PPP1R42: variants seen among roughly 807,000 people sequenced by gnomAD.
PPP1R42 encodes leucine rich repeat containing 67.
In PPP1R42, 34 loss-of-function variants were observed where a neutral mutation model predicts 31.0. The observed-to-expected ratio is 1.10, with a 90% CI of 0.83 to 1.46. PPP1R42 has a LOEUF of 1.46. PPP1R42 is among the 40% of genes most tolerant of loss of function. PPP1R42 has a pLI of 0.00. For synonymous variants in PPP1R42, 103 were observed against 109.8 expected (o/e 0.94, Z 0.39); for missense variants, 268 against 303.0 (o/e 0.88, Z 0.86).
At chr8:67,012,637 T>C (rs1815877524) in intron 4 of PPP1R42, among the ~76,000 whole-genome samples, 1 of 152,236 alleles carries the variant, frequency 6.6e-6, no homozygotes, top group African/African-American at 2.4e-5. Flanking sequence ...ATTTAAAATG[T>C]TGAGCCATGA....
intron 7 of PPP1R42, among the ~76,000 whole-genome samples, chr8:66,973,273 C>T (rs1238164093): frequency 6.6e-6 from 1 of 151,666 alleles, no homozygotes; most frequent in East Asian, 1.9e-4. Flanking sequence ...ATGAGATCTA[C>T]CCTCCTTTTT....
chr8:67,012,799 A>G (rs1425316922), intron 4 of PPP1R42, 159 bp downstream of exon 4: 1 of 535,476 alleles, frequency 1.9e-6, no homozygotes, highest in African/African-American at 2.0e-5. Flanking sequence ...CTGAGATTGT[A>G]CATGAGAAAA....
At position 66,968,477 on chromosome 8, in the gene PPP1R42, A is replaced by G. The variant is rs918907983; in HGVS notation, c.803-4143T>C. ...AGGCTCCCCACCTTGAATATTAAAT[A>G]TAGAGTGTAGGGACACGTCTGCTGA... On this transcript the variant is annotated intron_variant, in intron 7 of 7. Transcript: ENST00000685739. 1.3e-5 allele frequency: 13 copies of G among 985,132 alleles called. No individual in the cohort carries two copies. The African/African-American group carries it at 2.3e-4, about 17-fold the overall frequency. The allele number at this position is 985,132 out of a possible 1,614,324, so 61.0% of individuals were successfully genotyped here. A position where few individuals can be genotyped will look rare whatever the true frequency, so the allele number is the denominator to read the frequency against.
chr8:67,016,346 C>T (rs996741739), intron 2 of PPP1R42, among the ~76,000 whole-genome samples: 1 of 152,108 alleles, frequency 6.6e-6, no homozygotes, highest in Non-Finnish European at 1.5e-5. Context: ...TCAGGTAGTT[C>T]CTGTGTTTCC....
At chr8:67,008,102 C>T in intron 5 of PPP1R42, among the ~76,000 whole-genome samples, 1 of 151,660 alleles carries the variant, frequency 6.6e-6, no homozygotes, top group East Asian at 1.9e-4. Context: ...TAGCCAGGTT[C>T]GTCTCGATCT....
At chr8:67,015,148 A>G (rs1160626566) in intron 2 of PPP1R42, among the ~76,000 whole-genome samples, 1 of 152,052 alleles carries the variant, frequency 6.6e-6, no homozygotes, top group Non-Finnish European at 1.5e-5. Context: ...TCTTCTGAGT[A>G]GCTGGGACTA....
chr8:67,017,951 A>G (rs1816066492), intron 1 of PPP1R42, 120 bp from the exon 2 acceptor site: 1 of 413,116 alleles, frequency 2.4e-6, no homozygotes, highest in Non-Finnish European at 4.0e-6. Context: ...GTTTATAGAC[A>G]TTTTTAGGGG....
At chr8:67,004,685 G>T (rs907745347) in intron 5 of PPP1R42, among the ~76,000 whole-genome samples, 1 of 152,036 alleles carries the variant, frequency 6.6e-6, no homozygotes, top group African/African-American at 2.4e-5. Flanking sequence ...GGATTTTAAA[G>T]GATTGTTTTC....
At chr8:66,999,747 G>C (rs908633724) in intron 5 of PPP1R42, among the ~76,000 whole-genome samples, 3 of 152,176 alleles carry the variant, frequency 2.0e-5, no homozygotes, top group African/African-American at 4.8e-5. Context: ...TGGTCTTGGA[G>C]TTCTCTTTGC....
At chr8:67,023,943 G>C (rs4446722) in intron 1 of PPP1R42, among the ~76,000 whole-genome samples, 2 of 151,844 alleles carry the variant, frequency 1.3e-5, no homozygotes, top group South Asian at 4.1e-4. Context: ...AAGAGATCGA[G>C]ACCATCCTGG....
Position 67,026,194 on chromosome 8 carries a change from C to T in PPP1R42, c.-85+2297G>A, listed in dbSNP as rs556399750. Among the ~76,000 whole-genome samples the T allele has an allele frequency of 6.1e-5, 9 of 148,634 alleles. No individual in the cohort carries two copies. In the South Asian group the frequency reaches 1.9e-3, roughly 32 times the overall value. ...CTACTAAAAATACAAAAAAATTAGC[C>T]GGGCATGGTGGCATATGCCTGTAAT... On this transcript the variant is annotated intron_variant, in intron 1 of 7. Coordinates refer to ENST00000685739, the MANE Select transcript of PPP1R42 (RefSeq NM_001364910.1).
At chr8:66,974,206 G>A (rs994260862) in intron 7 of PPP1R42, among the ~76,000 whole-genome samples, 2 of 152,148 alleles carry the variant, frequency 1.3e-5, no homozygotes, top group African/African-American at 4.8e-5. Context: ...TCCCACCAAT[G>A]GTGTGCAAGG....
intron 5 of PPP1R42, among the ~76,000 whole-genome samples, chr8:66,991,812 C>T (rs888764119): frequency 2.6e-5 from 4 of 152,074 alleles, no homozygotes; most frequent in African/African-American, 4.8e-5. Context: ...AAGACTGATC[C>T]GGACTAATGC....
At chr8:66,970,682 T>C (rs1814512986) in intron 7 of PPP1R42, among the ~76,000 whole-genome samples, 1 of 152,190 alleles carries the variant, frequency 6.6e-6, no homozygotes, top group Admixed American at 6.5e-5. Context: ...TCCCTGATCA[T>C]TGAGACATCT....
chr8:66,985,900 C>G, intron 6 of PPP1R42: 1 of 929,752 alleles, frequency 1.1e-6, no homozygotes, highest in South Asian at 1.5e-5. Flanking sequence ...TTTGCTGCTT[C>G]TTTACTCCTG....
chr8:66,977,517 C>T (rs528304944), intron 7 of PPP1R42, among the ~76,000 whole-genome samples: 100 of 151,582 alleles, frequency 6.6e-4, no homozygotes, highest in African/African-American at 2.3e-3. Flanking sequence ...TTCTTTCTTT[C>T]TTTTTTTAGA....
intron 2 of PPP1R42, among the ~76,000 whole-genome samples, chr8:67,015,928 GA>G (rs1816004573): frequency 1.3e-5 from 2 of 152,274 alleles, no homozygotes; most frequent in South Asian, 4.1e-4. Context: ...ATTTTAGTGT[GA>G]ATTACTTTAA....
intron 7 of PPP1R42, among the ~76,000 whole-genome samples, chr8:66,967,271 C>T (rs368773282): frequency 4.6e-5 from 7 of 152,208 alleles, no homozygotes; most frequent in African/African-American, 1.7e-4. Context: ...CCACCTCACC[C>T]AGCCTAAAAA....
chr8:67,026,657 G>A (rs999124295), intron 1 of PPP1R42, among the ~76,000 whole-genome samples: 3 of 151,598 alleles, frequency 2.0e-5, no homozygotes, highest in African/African-American at 4.8e-5. Flanking sequence ...GCAACATGGC[G>A]AGACCCCTGT....
Sources: allele counts gnomAD v4.1 joint callset (sites outside exome capture counted in the v4.1 genomes callset), GRCh38; gene constraint gnomAD v4.1.1; transcripts MANE v1.5; gene names NCBI Gene and HGNC (gene_info 2026-07-23, HGNC 2026-07-21).